Variants in KATNIP observed in about 807,000 individuals in gnomAD.
The protein encoded by KATNIP is katanin interacting protein.
In KATNIP, 126 loss-of-function variants were observed where a neutral mutation model predicts 174.0. The observed-to-expected ratio is 0.72, with a 90% CI of 0.63 to 0.84. KATNIP has a LOEUF of 0.84. Among genes scored for constraint, KATNIP ranks in the 40% least tolerant of loss-of-function variants. The probability of loss-of-function intolerance (pLI) is 0.00; values close to 1 mark genes in which losing one functional copy is unlikely to be tolerated. For missense variants in KATNIP, 1,958 were observed against 2,109.7 expected (o/e 0.93, Z 1.41); for synonymous variants, 810 against 835.7 (o/e 0.97, Z 0.53).
At chr16:27,733,937 T>C (rs1346678961) in intron 14 of KATNIP, among the ~76,000 whole-genome samples, 1 of 152,082 alleles carries the variant, frequency 6.6e-6, no homozygotes, top group South Asian at 2.1e-4. Flanking sequence ...ATGACACTTA[T>C]GCGGTATATA....
At chr16:27,604,685 A>G (rs1169637954) in intron 2 of KATNIP, among the ~76,000 whole-genome samples, 1 of 152,202 alleles carries the variant, frequency 6.6e-6, no homozygotes, top group Admixed American at 6.5e-5. Flanking sequence ...GAAATGCATC[A>G]TTGTGTGAAA....
At chr16:27,759,428 G>A (rs1197980959) in intron 18 of KATNIP, among the ~76,000 whole-genome samples, 1 of 152,206 alleles carries the variant, frequency 6.6e-6, no homozygotes, top group African/African-American at 2.4e-5. Flanking sequence ...GCTAGCTTTT[G>A]CTGCCGAACA....
chr16:27,737,929 C>T (rs2080957273), intron 14 of KATNIP, among the ~76,000 whole-genome samples: 1 of 151,966 alleles, frequency 6.6e-6, no homozygotes, highest in South Asian at 2.1e-4. Context: ...TTACAGGTGC[C>T]CGGGCCAGGT....
At chr16:27,766,576 AT>A in intron 20 of KATNIP, 102 bp downstream of exon 20, 1 of 1,278,612 alleles carries the variant, frequency 7.8e-7, no homozygotes, top group Non-Finnish European at 1.1e-6. Flanking sequence ...ATCCTCCAGA[AT>A]TTTCCAAACG....
intron 8 of KATNIP, among the ~76,000 whole-genome samples, chr16:27,697,660 G>A (rs1294103269): frequency 6.6e-6 from 1 of 151,736 alleles, no homozygotes; most frequent in Non-Finnish European, 1.5e-5. Context: ...GTGTATGCCT[G>A]CTATCATGTA....
At chr16:27,719,014 G>C (rs1413324224) in intron 13 of KATNIP, among the ~76,000 whole-genome samples, 3 of 152,158 alleles carry the variant, frequency 2.0e-5, no homozygotes, top group African/African-American at 7.2e-5. Context: ...GTGACGGGGA[G>C]TCTGTTGAGA....
chr16:27,574,597 C>G (rs2090426152), intron 2 of KATNIP, among the ~76,000 whole-genome samples: 1 of 116,708 alleles, frequency 8.6e-6, no homozygotes, highest in African/African-American at 3.3e-5. Context: ...TCGAGTCACT[C>G]TCTGTTGCCC....
intron 5 of KATNIP, among the ~76,000 whole-genome samples, chr16:27,640,246 G>A (rs62029118): frequency 0.012 from 1,845 of 152,354 alleles, 15 homozygotes; most frequent in Non-Finnish European, 0.019. Flanking sequence ...CCAGGTCTGG[G>A]TGCTGCAAGT....
At chr16:27,713,807 T>C (rs1567336715) in intron 13 of KATNIP, among the ~76,000 whole-genome samples, 8 of 47,130 alleles carry the variant, frequency 1.7e-4, no homozygotes, top group African/African-American at 7.9e-4. Context: ...TGTGTGTATA[T>C]ACATATATAT....
chr16:27,646,183 G>A (rs566148105), intron 5 of KATNIP, among the ~76,000 whole-genome samples: 2 of 152,298 alleles, frequency 1.3e-5, no homozygotes, highest in Admixed American at 6.5e-5. Context: ...AGTGGGGCTC[G>A]CTTCAGGTGC....
intron 15 of KATNIP, among the ~76,000 whole-genome samples, chr16:27,745,832 C>T: frequency 6.6e-6 from 1 of 152,072 alleles, no homozygotes; most frequent in East Asian, 1.9e-4. Flanking sequence ...GACAACAGGA[C>T]AGAGCACTAA....
chr16:27,652,227 C>T (rs1355044394), intron 6 of KATNIP, among the ~76,000 whole-genome samples: 2 of 152,112 alleles, frequency 1.3e-5, no homozygotes, highest in Non-Finnish European at 2.9e-5. Flanking sequence ...AGAAAAATGG[C>T]CAGGGGCTGC....
chr16:27,628,527 C>T, intron 3 of KATNIP, 134 bp from the exon 4 acceptor site: 1 of 949,172 alleles, frequency 1.1e-6, no homozygotes, highest in Non-Finnish European at 1.6e-6. Context: ...TGTAGACAAA[C>T]AGCTGGGCAC....
At position 27,740,787 on chromosome 16, in the gene KATNIP, C is replaced by A; in HGVS notation, c.2490C>A (p.Thr830=). 1 of 1,614,188 alleles carries A rather than the reference C, an allele frequency of 6.2e-7. No individual in the cohort carries two copies. ...CCAAGGAGAGACCCCAGAGGGCAAC[C>A]ACCAAAGTCCACAGTGATGACTCAG... The part of the protein sequence containing the change: ...VNTKERPQRA[T]TKVHSDDSDI... Residue 830 remains threonine (T), a synonymous_variant, in exon 15 of 28, where the codon ACC becomes ACA. Coordinates refer to ENST00000261588, the MANE Select transcript of KATNIP (RefSeq NM_015202.5).
chr16:27,673,424 A>C (rs1365656528), intron 6 of KATNIP, among the ~76,000 whole-genome samples: 1 of 152,230 alleles, frequency 6.6e-6, no homozygotes, highest in Non-Finnish European at 1.5e-5. Context: ...TTGAAGACAT[A>C]AGCCATGACC....
intron 2 of KATNIP, among the ~76,000 whole-genome samples, chr16:27,585,413 G>A (rs567103803): frequency 6.6e-6 from 1 of 152,184 alleles, no homozygotes; most frequent in African/African-American, 2.4e-5. Context: ...CAGCAATTCC[G>A]CTCCTAAATG....
intron 6 of KATNIP, among the ~76,000 whole-genome samples, chr16:27,652,909 T>G (rs116928043): frequency 0.029 from 4,388 of 152,158 alleles, 85 homozygotes; most frequent in Non-Finnish European, 0.046. Context: ...TAATGCATAA[T>G]TGATATAAAA....
chr16:27,631,781 C>T (rs1157296194), intron 5 of KATNIP, among the ~76,000 whole-genome samples: 1 of 152,180 alleles, frequency 6.6e-6, no homozygotes, highest in African/African-American at 2.4e-5. Flanking sequence ...GTGCCAGGCA[C>T]AGTTCTGGAT....
chr16:27,661,581 G>A lies in KATNIP; in HGVS notation c.540+12846G>A, dbSNP rs7190293. The stretch of plus-strand genomic sequence containing the variant: ...TAATTTTTGTATTTTTAGTAGAGAC[G>A]GGGGTTTCACCATGTTGGCCAGGCT... On this transcript the variant is annotated intron_variant, in intron 6 of 27. Coordinates refer to ENST00000261588, the MANE Select transcript of KATNIP (RefSeq NM_015202.5). 5.9e-3 allele frequency among the ~76,000 whole-genome samples: 894 copies of A among 150,462 alleles called. 12 individuals carry two copies. The highest frequency in any genetic ancestry group is 0.053 in the East Asian group (270 of 5,048).
Sources: gnomAD v4.1 joint callset for allele counts (sites outside exome capture counted in the v4.1 genomes callset) on GRCh38, gnomAD v4.1.1 for gene constraint, MANE v1.5 for transcripts, NCBI Gene and HGNC (gene_info 2026-07-23, HGNC 2026-07-21) for gene names.